Variants in ZNF469 observed in about 807,000 individuals in gnomAD.
ZNF469 encodes zinc finger protein 469.
Under a neutral mutation model 1.0 loss-of-function variants are expected in ZNF469, and 1 was observed. The observed-to-expected ratio is 1.00, with a 90% CI of 0.35 to 4.73. The LOEUF (loss-of-function observed/expected upper bound fraction) is 4.73. Among genes scored for constraint, ZNF469 ranks in the 30% most tolerant of loss-of-function variants. The pLI is 0.16. For missense variants in ZNF469, 6,100 were observed against 5,356.3 expected (o/e 1.14, Z -4.33); for synonymous variants, 2,703 against 2,363.4 (o/e 1.14, Z -4.17).
At chr16:88,313,893 C>T in the ZNF469 span, among the ~76,000 whole-genome samples, 1 of 150,312 alleles carries the variant, frequency 6.7e-6, no homozygotes, top group African/African-American at 2.4e-5. Context: ...TATGATGATG[C>T]TTGTGTGGAC....
At chr16:88,118,919 A>C in the ZNF469 span, among the ~76,000 whole-genome samples, 5 of 152,214 alleles carry the variant, frequency 3.3e-5, no homozygotes, top group Non-Finnish European at 5.9e-5. Context: ...GCTGCATTCC[A>C]CGGAGATGCA....
chr16:88,280,069 G>A, the ZNF469 span, among the ~76,000 whole-genome samples: 2 of 150,594 alleles, frequency 1.3e-5, no homozygotes, highest in Non-Finnish European at 2.9e-5. Flanking sequence ...GCTGCATCAC[G>A]CCGACACTCA....
the ZNF469 span, among the ~76,000 whole-genome samples, chr16:88,113,947 C>T: frequency 6.6e-6 from 1 of 152,174 alleles, no homozygotes; most frequent in African/African-American, 2.4e-5. Flanking sequence ...CCTGCCAGGG[C>T]CGCACTGGGC....
the ZNF469 span, among the ~76,000 whole-genome samples, chr16:88,244,991 C>G: frequency 6.6e-6 from 1 of 151,834 alleles, no homozygotes; most frequent in Non-Finnish European, 1.5e-5. Flanking sequence ...TCAGAAGACC[C>G]ATCGGAAGAC....
At chr16:88,163,523 TGG>T in the ZNF469 span, among the ~76,000 whole-genome samples, 1 of 150,762 alleles carries the variant, frequency 6.6e-6, no homozygotes, top group African/African-American at 2.4e-5. Flanking sequence ...GATGGATGGA[TGG>T]ATGGATGGAT....
At chr16:88,344,434 C>T in the ZNF469 span, among the ~76,000 whole-genome samples, 1 of 152,196 alleles carries the variant, frequency 6.6e-6, no homozygotes, top group African/African-American at 2.4e-5. Flanking sequence ...ACATCTTCAA[C>T]TGTTCTGAAA....
At chr16:88,320,414 T>C in the ZNF469 span, among the ~76,000 whole-genome samples, 80,158 of 152,008 alleles carry the variant, frequency 0.53, 21,506 homozygotes, top group African/African-American at 0.59. Context: ...GACAGAATCT[T>C]GCTCTGTCGC....
At chr16:88,393,838 G>A (rs7185867) in intron 1 of ZNF469, among the ~76,000 whole-genome samples, 106,930 of 152,206 alleles carry the variant, frequency 0.7, 38,808 homozygotes, top group African/African-American at 0.89. Flanking sequence ...CTGCCCCACC[G>A]GTCTCCGGCC....
the ZNF469 span, among the ~76,000 whole-genome samples, chr16:88,127,824 C>T: frequency 6.6e-6 from 1 of 152,218 alleles, no homozygotes; most frequent in Non-Finnish European, 1.5e-5. Context: ...CTTGAAGCAA[C>T]ACCTACTCCA....
At chr16:88,105,339 T>C in the ZNF469 span, among the ~76,000 whole-genome samples, 1 of 151,392 alleles carries the variant, frequency 6.6e-6, no homozygotes, top group Non-Finnish European at 1.5e-5. Flanking sequence ...AGTTTCGCTC[T>C]TGTTGCCCAG....
chr16:88,347,482 C>T, the ZNF469 span, among the ~76,000 whole-genome samples: 4 of 152,154 alleles, frequency 2.6e-5, no homozygotes, highest in South Asian at 2.1e-4. Context: ...GAGAGAGGCC[C>T]GGAGCAGACC....
chr16:88,116,239 C>T, the ZNF469 span, among the ~76,000 whole-genome samples: 1 of 152,232 alleles, frequency 6.6e-6, no homozygotes, highest in East Asian at 1.9e-4. Context: ...TTGCCAGCAG[C>T]TGTCGGGAAA....
At chr16:88,121,882 C>T in the ZNF469 span, among the ~76,000 whole-genome samples, 2 of 152,240 alleles carry the variant, frequency 1.3e-5, no homozygotes, top group Non-Finnish European at 2.9e-5. Context: ...AACAGAGGCT[C>T]GTGGTAACGC....
At chr16:88,179,226 G>T in the ZNF469 span, among the ~76,000 whole-genome samples, 1 of 152,100 alleles carries the variant, frequency 6.6e-6, no homozygotes, top group African/African-American at 2.4e-5. Flanking sequence ...GCCTACGGGC[G>T]GGGGTTTGGG....
chr16:88,337,787 G>A, the ZNF469 span, among the ~76,000 whole-genome samples: 5 of 152,204 alleles, frequency 3.3e-5, no homozygotes, highest in Non-Finnish European at 7.3e-5. Context: ...CTCCATGTGC[G>A]TTGGAGAAGC....
chr16:88,376,300 A>G, the ZNF469 span, among the ~76,000 whole-genome samples: 1 of 152,186 alleles, frequency 6.6e-6, no homozygotes, highest in Non-Finnish European at 1.5e-5. Context: ...TAATTACAGG[A>G]AAAAAAATGA....
chr16:88,160,357 C>G, the ZNF469 span, among the ~76,000 whole-genome samples: 1 of 152,164 alleles, frequency 6.6e-6, no homozygotes, highest in African/African-American at 2.4e-5. Context: ...CAAGAGATGC[C>G]GGTTTCCTTG....
the ZNF469 span, among the ~76,000 whole-genome samples, chr16:88,264,019 G>A: frequency 3.3e-5 from 5 of 152,110 alleles, no homozygotes; most frequent in South Asian, 1.0e-3. Context: ...CCTCCCTGTG[G>A]CAGGCCCAGT....
rs1187194395 is a variant in ZNF469 at position 88,433,734 on chromosome 16, C to T, written c.6264C>T (p.Ser2088=). ...AGGGCCGGACTCCAGAGAGGGCGTC[C>T]AGCCCCGGCCTGAACAAGCCACTGC... ...GSEGRTPERA[S]SPGLNKPLLA... The change falls in exon 3 of 3, where the codon TCC becomes TCT. Residue 2088 remains serine, a synonymous_variant. Coordinates refer to ENST00000565624, the MANE Select transcript of ZNF469 (RefSeq NM_001367624.2). The T allele has an allele frequency of 1.7e-5, 26 of 1,548,684 alleles. No homozygotes were observed. The highest frequency in any genetic ancestry group is 2.3e-5 in the Non-Finnish European group (26 of 1,146,784).
Sources: gnomAD v4.1 joint callset for allele counts (sites outside exome capture counted in the v4.1 genomes callset) on GRCh38, gnomAD v4.1.1 for gene constraint, MANE v1.5 for transcripts, NCBI Gene and HGNC (gene_info 2026-07-23, HGNC 2026-07-21) for gene names.